SLC30A10: variants seen among roughly 807,000 people sequenced by gnomAD.
SLC30A10 encodes the protein calcium/manganese antiporter SLC30A10.
In SLC30A10, 8 loss-of-function variants were observed where a neutral mutation model predicts 21.7. The ratio of observed to expected loss-of-function variants is 0.37; its 90% CI spans 0.22 to 0.67. The LOEUF (loss-of-function observed/expected upper bound fraction) is 0.67, where lower values mean the gene tolerates loss of function less well. Among genes scored for constraint, SLC30A10 ranks in the 30% least tolerant of loss-of-function variants. The pLI, the probability that SLC30A10 is intolerant of heterozygous loss-of-function variation, is 0.58. For synonymous variants in SLC30A10, 272 were observed against 279.4 expected (o/e 0.97, Z 0.26); for missense variants, 521 against 642.5 (o/e 0.81, Z 2.04).
intron 1 of SLC30A10, among the ~76,000 whole-genome samples, chr1:219,937,451 AGTG>A (rs1660061681): frequency 6.6e-6 from 1 of 152,230 alleles, no homozygotes; most frequent in Admixed American, 6.5e-5. Flanking sequence ...GGAAACACCT[AGTG>A]TGTATATTAT....
chr1:219,947,356 C>A (rs1660200024), intron 1 of SLC30A10, among the ~76,000 whole-genome samples: 1 of 151,904 alleles, frequency 6.6e-6, no homozygotes, highest in South Asian at 2.1e-4. Flanking sequence ...TGGTAAGACC[C>A]CCATCTCTAC....
At chr1:219,941,878 A>G (rs1457933898) in intron 1 of SLC30A10, among the ~76,000 whole-genome samples, 2 of 152,230 alleles carry the variant, frequency 1.3e-5, no homozygotes, top group African/African-American at 2.4e-5. Flanking sequence ...TGTTTACCAG[A>G]TAGGAAAACT....
intron 2 of SLC30A10, among the ~76,000 whole-genome samples, chr1:219,920,237 C>G (rs1334380095): frequency 1.3e-5 from 2 of 152,170 alleles, no homozygotes; most frequent in Admixed American, 6.5e-5. Context: ...ACCCCACCCC[C>G]AAAGGAGCTT....
rs80221205 is a variant in SLC30A10 at position 219,927,687 on chromosome 1, A to C, written c.640+114T>G. The C allele has an allele frequency of 1.3e-3, 834 of 634,180 alleles. 15 individuals are homozygous for C. Among genetic ancestry groups the C allele is most frequent in the Middle Eastern group, 3.7e-3 (8 of 2,152 alleles). 39.3% of individuals were successfully genotyped at this position (634,180 alleles called of 1,614,324 possible). A position where few individuals can be genotyped will look rare whatever the true frequency, so the allele number is the denominator to read the frequency against. ...AAAAAAACAACAACAACAAAAAAAA[A>C]AAAACAGAAAAAAAGCATGCAGAAG... is the stretch of plus-strand genomic sequence containing the variant. On this transcript the variant is annotated intron_variant, in intron 1 of 3. Coordinates refer to ENST00000366926, the MANE Select transcript of SLC30A10 (RefSeq NM_018713.3).
Position 219,928,259 on chromosome 1 carries a change from G to C in SLC30A10, c.182C>G (p.Ala61Gly). ...GCTGAAGCCCCGGGTGGGGCGCCGG[G>C]CGATGTAGCCGGCGCTCAGGCCCAC... ...LCVGLSAGYI[A>G]RRPTRGFSAT... is the part of the protein sequence containing the mutation. Residue 61 changes from alanine (A) to glycine (G), a missense_variant, in exon 1 of 4, where the codon GCC (alanine) becomes GGC (glycine). Physicochemically the swap from Ala to Gly is moderately conservative, Grantham distance 60 (BLOSUM62 0). Transcript: ENST00000366926. This position sits in a 1 kb window ranked among gnomAD's most constrained non-coding sequence, Gnocchi z 6.3. The C allele has an allele frequency of 6.3e-7, 1 of 1,587,864 alleles. No individual in the cohort carries two copies. Among genetic ancestry groups the C allele is most frequent in the Non-Finnish European group, 8.6e-7 (1 of 1,168,246 alleles).
At chr1:219,921,660 T>A (rs1659678497) in intron 2 of SLC30A10, among the ~76,000 whole-genome samples, 1 of 137,214 alleles carries the variant, frequency 7.3e-6, no homozygotes, top group Non-Finnish European at 1.6e-5. Flanking sequence ...TCTATTCTAT[T>A]TCATTCAATT....
upstream of SLC30A10, among the ~76,000 whole-genome samples, chr1:219,930,775 G>A (rs79317677): frequency 7.2e-5 from 11 of 152,232 alleles, no homozygotes; most frequent in South Asian, 1.0e-3. Context: ...TATAGACTAC[G>A]GTATTTTTCA....
At chr1:219,951,444 G>A (rs527804378) in intron 1 of SLC30A10, among the ~76,000 whole-genome samples, 3 of 151,702 alleles carry the variant, frequency 2.0e-5, no homozygotes, top group African/African-American at 4.8e-5. Context: ...CTTGGGGGCC[G>A]GGCGCGGTGG....
At position 219,912,170 on chromosome 1, in the gene SLC30A10, CAAAAAAA is replaced by C. The variant is rs59792236; in HGVS notation, c.*3272_*3278del. ...CCACTGGAATTTGCTCTACCAATGG[CAAAAAAA>C]AAAAAAAAAAAAAAAAAAAGAACTA... On this transcript the variant is annotated 3_prime_UTR_variant, in exon 4 of 4. Transcript: ENST00000366926. 1.3e-5 allele frequency among the ~76,000 whole-genome samples: 1 copy of C among 74,698 alleles called. No individual in the cohort carries two copies. The highest frequency in any genetic ancestry group is 2.5e-5 in the Non-Finnish European group (1 of 39,910). The allele number at this position is 74,698 out of a possible 152,430, so 49.0% of individuals were successfully genotyped here.
rs73097941 is a variant in SLC30A10 at position 219,913,028 on chromosome 1, T to C, written c.*2421A>G. Among the ~76,000 whole-genome samples the C allele has an allele frequency of 0.13, 19,872 of 152,090 alleles. 1,830 individuals carry two copies. Among genetic ancestry groups the C allele is most frequent in the African/African-American group, 0.26 (10,648 of 41,426 alleles). On this transcript the variant is annotated 3_prime_UTR_variant, in exon 4 of 4. Transcript: ENST00000366926. ...GCTACTGCCACCAAGCAGGGCTGAT[T>C]TAAAGGGAAAAAGAAAACTCTTGTA...
intron 1 of SLC30A10, among the ~76,000 whole-genome samples, chr1:219,943,092 T>C (rs1415169277): frequency 2.0e-5 from 3 of 151,984 alleles, no homozygotes; most frequent in Admixed American, 2.0e-4. Context: ...TGTGAGAAGG[T>C]AAACCACCTT....
At position 219,928,198 on chromosome 1, in the gene SLC30A10, G is replaced by A. The variant is rs1659894797; in HGVS notation, c.243C>T (p.Gly81=). The change falls in exon 1 of 4, where the codon GGC becomes GGT. Residue 81 remains glycine, a synonymous_variant. Coordinates refer to ENST00000366926, the MANE Select transcript of SLC30A10 (RefSeq NM_018713.3). This position sits in a 1 kb window ranked among gnomAD's most constrained non-coding sequence, Gnocchi z 6.3. ...TGAGGAAGACCGCGTTGCTCAGCGC[G>A]CCCACCACCTCGGCGCGGGCGTAGC... ...TYGYARAEVV[G]ALSNAVFLTA... 1.9e-6 allele frequency: 3 copies of A among 1,560,234 alleles called. No homozygotes were observed. Among genetic ancestry groups the A allele is most frequent in the Non-Finnish European group, 2.6e-6 (3 of 1,152,372 alleles).
chr1:219,925,192 T>C (rs1206597660), intron 2 of SLC30A10, among the ~76,000 whole-genome samples: 1 of 152,218 alleles, frequency 6.6e-6, no homozygotes, highest in Non-Finnish European at 1.5e-5. Flanking sequence ...TCTTCTTCTT[T>C]GCATCAATCC....
At chr1:219,940,855 A>G (rs551864488) in intron 1 of SLC30A10, among the ~76,000 whole-genome samples, 1 of 152,344 alleles carries the variant, frequency 6.6e-6, no homozygotes, top group Admixed American at 6.5e-5. Flanking sequence ...AAGTGAGACT[A>G]TCTAACTCAG....
At chr1:219,925,233 C>T (rs116564332) in intron 2 of SLC30A10, among the ~76,000 whole-genome samples, 2,207 of 152,194 alleles carry the variant, frequency 0.015, 61 homozygotes, top group African/African-American at 0.051. Context: ...AACTTTGTAA[C>T]ATAAGAATGA....
chr1:219,953,029 T>C (rs1289278902), intron 1 of SLC30A10, among the ~76,000 whole-genome samples: 1 of 152,154 alleles, frequency 6.6e-6, no homozygotes, highest in Non-Finnish European at 1.5e-5. Flanking sequence ...GTCTCTACCA[T>C]GGGACAGATA....
In SLC30A10 at chr1:219,924,914, A is replaced by G. The variant is rs188415413; in HGVS notation, c.718+2114T>C. On this transcript the variant is annotated intron_variant, in intron 2 of 3. Transcript: ENST00000366926. ...GAGGTTCAATAACTTGCCCAAAGTCACATGGTTCTTAAGTGGCAGAGCCAT... is the reference window on the plus strand; with the variant it reads ...GAGGTTCAATAACTTGCCCAAAGTCGCATGGTTCTTAAGTGGCAGAGCCAT... Among the ~76,000 whole-genome samples, 651 of 152,256 alleles carry G rather than the reference A, an allele frequency of 4.3e-3. 3 individuals carry two copies. Among genetic ancestry groups the G allele is most frequent in the Middle Eastern group, 6.8e-3 (2 of 294 alleles).
At chr1:219,953,994 C>T (rs1660309493) in intron 1 of SLC30A10, among the ~76,000 whole-genome samples, 1 of 152,046 alleles carries the variant, frequency 6.6e-6, no homozygotes, top group Admixed American at 6.6e-5. Flanking sequence ...GCGTGAGCCA[C>T]CGCGCCCGGC....
intron 1 of SLC30A10, among the ~76,000 whole-genome samples, chr1:219,950,741 G>C (rs1660255950): frequency 6.6e-6 from 1 of 151,580 alleles, no homozygotes; most frequent in Non-Finnish European, 1.5e-5. Context: ...CCTGAGGTCA[G>C]GAGTTTGAGA....
Sources: gnomAD v4.1 joint callset for allele counts (sites outside exome capture counted in the v4.1 genomes callset) on GRCh38, gnomAD v4.1.1 for gene constraint, Gnocchi (gnomAD v3.1) non-coding constraint, MANE v1.5 for transcripts, NCBI Gene and HGNC (gene_info 2026-07-23, HGNC 2026-07-21) for gene names.